SKAP2: variants seen among roughly 807,000 people sequenced by gnomAD.
SKAP2 encodes the protein src kinase associated phosphoprotein 2.
SKAP2 carries 28 observed loss-of-function variants against 54.9 expected under a neutral mutation model. The observed-to-expected ratio is 0.51, with a 90% CI of 0.38 to 0.70. SKAP2 has a LOEUF of 0.70. SKAP2 is among the 30% of genes least tolerant of loss of function. The pLI is 0.00. For missense variants in SKAP2, 356 were observed against 424.1 expected (o/e 0.84, Z 1.41); for synonymous variants, 137 against 134.3 (o/e 1.02, Z -0.14).
intron 1 of SKAP2, chr7:26,857,814 G>T: frequency 1.2e-6 from 1 of 833,712 alleles, no homozygotes; most frequent in Non-Finnish European, 1.4e-6. Flanking sequence ...TGTTCCTCTG[G>T]CTGGTTGGAG....
Position 26,738,784 on chromosome 7 carries a change from A to T in SKAP2, c.469+11T>A, listed in dbSNP as rs778945887. Reference sequence around the variant, plus strand: ...GCAATAGTAGTTGATATAATTGAACACCAACATTACCTTTATCACTTCCAT... The same window carrying T: ...GCAATAGTAGTTGATATAATTGAACTCCAACATTACCTTTATCACTTCCAT... On this transcript the variant is annotated intron_variant, in intron 6 of 12. Transcript: ENST00000345317. 6.6e-7 allele frequency: 1 copy of T among 1,512,082 alleles called. No homozygotes were observed. The highest frequency in any genetic ancestry group is 9.2e-7 in the Non-Finnish European group (1 of 1,089,000). 93.7% of individuals were successfully genotyped at this position (1,512,082 alleles called of 1,614,324 possible). A position where few individuals can be genotyped will look rare whatever the true frequency, so the allele number is the denominator to read the frequency against.
chr7:26,787,545 T>C lies in SKAP2; in HGVS notation c.308-47581A>G, dbSNP rs548287470. The stretch of plus-strand genomic sequence containing the variant: ...CACCATGTTAGTGGCCAGGCTGGTA[T>C]TGAACTCCTGACCTCAAGTGATCCA... On this transcript the variant is annotated intron_variant, in intron 4 of 12. Transcript: ENST00000345317. Among the ~76,000 whole-genome samples the C allele has an allele frequency of 3.9e-5, 6 of 152,228 alleles. No homozygotes were observed. The East Asian group carries it at 1.2e-3, about 29-fold the overall frequency.
At position 26,837,500 on chromosome 7, in the gene SKAP2, G is replaced by C. The variant is rs151079779; in HGVS notation, c.307+6530C>G. Among the ~76,000 whole-genome samples, 410 of 152,164 alleles carry C rather than the reference G, an allele frequency of 2.7e-3. 1 individual carries two copies. Among genetic ancestry groups the C allele is most frequent in the Middle Eastern group, 0.01 (3 of 294 alleles). On this transcript the variant is annotated intron_variant, in intron 4 of 12. Transcript: ENST00000345317. ...ACACACGGTAAAAGAACAAGAGACA[G>C]AGAGTGGGGTTGGGAGGTGCCACAT...
At chr7:26,821,996 T>A (rs908767134) in intron 4 of SKAP2, among the ~76,000 whole-genome samples, 2 of 152,172 alleles carry the variant, frequency 1.3e-5, no homozygotes, top group African/African-American at 4.8e-5. Flanking sequence ...ATTTGTCAGA[T>A]AATTAATAAT....
chr7:26,723,759 T>G (rs1317560150), intron 9 of SKAP2, among the ~76,000 whole-genome samples: 1 of 152,052 alleles, frequency 6.6e-6, no homozygotes, highest in Non-Finnish European at 1.5e-5. Flanking sequence ...ATACAGAACT[T>G]AACAGTTATT....
chr7:26,668,624 G>A lies in SKAP2; in HGVS notation c.*1042C>T, dbSNP rs1361722185. 6.6e-6 allele frequency: 1 copy of A among 150,776 alleles called. No homozygotes were observed. Among genetic ancestry groups the A allele is most frequent in the Non-Finnish European group, 1.5e-5 (1 of 67,808 alleles). The allele number at this position is 150,776 out of a possible 1,614,324, so 9.3% of individuals were successfully genotyped here. On this transcript the variant is annotated 3_prime_UTR_variant, in exon 13 of 13. Coordinates refer to ENST00000345317, the MANE Select transcript of SKAP2 (RefSeq NM_003930.5). Reference sequence around the variant, plus strand: ...AATAAGGCAAGATAAGAGAGTGCTTGGTTATGCCTTTTTACTTTGAGAATA... The same window carrying A: ...AATAAGGCAAGATAAGAGAGTGCTTAGTTATGCCTTTTTACTTTGAGAATA...
rs186280863 is a variant in SKAP2, at chr7:26,802,296, C to T, written c.307+41734G>A. On this transcript the variant is annotated intron_variant, in intron 4 of 12. Transcript: ENST00000345317. ...TTTTTGGTTTTTTTTTTTTTTGAGACGGAGTTTCACTCTTGCCCAGGCTGG... is the reference window on the plus strand; with the variant it reads ...TTTTTGGTTTTTTTTTTTTTTGAGATGGAGTTTCACTCTTGCCCAGGCTGG... Among the ~76,000 whole-genome samples the T allele has an allele frequency of 1.7e-3, 199 of 119,270 alleles. 2 individuals are homozygous for T. Among genetic ancestry groups the T allele is most frequent in the African/African-American group, 6.2e-3 (193 of 31,350 alleles). The allele number at this position is 119,270 out of a possible 152,430, so 78.2% of individuals were successfully genotyped here.
At chr7:26,693,103 G>A (rs957145140) in intron 9 of SKAP2, among the ~76,000 whole-genome samples, 4 of 152,062 alleles carry the variant, frequency 2.6e-5, no homozygotes, top group South Asian at 4.2e-4. Context: ...AGGCCCAGGC[G>A]GGTGGATCAC....
intron 9 of SKAP2, among the ~76,000 whole-genome samples, chr7:26,707,610 C>T (rs1045005578): frequency 6.6e-6 from 1 of 152,152 alleles, no homozygotes; most frequent in African/African-American, 2.4e-5. Flanking sequence ...TGTCCTTCCC[C>T]ACTTGCTCAA....
chr7:26,846,046 A>C (rs1169948605), intron 3 of SKAP2, among the ~76,000 whole-genome samples: 3 of 152,204 alleles, frequency 2.0e-5, no homozygotes, highest in Admixed American at 1.3e-4. Context: ...AGTTCATGGA[A>C]TATGTACCAG....
At chr7:26,727,573 T>G (rs1787735316) in intron 6 of SKAP2, among the ~76,000 whole-genome samples, 1 of 152,046 alleles carries the variant, frequency 6.6e-6, no homozygotes, top group South Asian at 2.1e-4. Flanking sequence ...AAAAACTATG[T>G]GGATAAAGAA....
At chr7:26,719,357 A>G (rs1226693878) in intron 9 of SKAP2, among the ~76,000 whole-genome samples, 1 of 152,108 alleles carries the variant, frequency 6.6e-6, no homozygotes, top group Non-Finnish European at 1.5e-5. Context: ...GATCATCTCA[A>G]TCCTACTAGC....
the SKAP2 span, among the ~76,000 whole-genome samples, chr7:26,657,059 A>G: frequency 6.6e-6 from 1 of 152,196 alleles, no homozygotes; most frequent in East Asian, 1.9e-4. Flanking sequence ...CTTGGATCCA[A>G]ACGGTCTGAA....
At chr7:26,749,251 C>T (rs1477288068) in intron 4 of SKAP2, among the ~76,000 whole-genome samples, 1 of 152,046 alleles carries the variant, frequency 6.6e-6, no homozygotes, top group Non-Finnish European at 1.5e-5. Flanking sequence ...CAAGATTATA[C>T]ATAATAAAGA....
chr7:26,691,250 T>A (rs212858), intron 9 of SKAP2, among the ~76,000 whole-genome samples: 89,747 of 152,010 alleles, frequency 0.59, 26,873 homozygotes, highest in East Asian at 0.88. Context: ...TAAGATAAAA[T>A]TAAATGAGAA....
intron 3 of SKAP2, among the ~76,000 whole-genome samples, chr7:26,850,827 G>A (rs4722647): frequency 4.0e-4 from 61 of 151,936 alleles, no homozygotes; most frequent in East Asian, 3.1e-3. Flanking sequence ...ATTCTAAAGC[G>A]GCAATTTGTC....
At chr7:26,750,767 T>C (rs1441288774) in intron 4 of SKAP2, among the ~76,000 whole-genome samples, 1 of 152,162 alleles carries the variant, frequency 6.6e-6, no homozygotes, top group Non-Finnish European at 1.5e-5. Context: ...ATGATGTTTA[T>C]GGAAGGAAAA....
chr7:26,851,435 G>C (rs1332186352), intron 3 of SKAP2, among the ~76,000 whole-genome samples: 3 of 151,888 alleles, frequency 2.0e-5, no homozygotes, highest in Non-Finnish European at 4.4e-5. Context: ...CAGAGTGAGA[G>C]ACCCTGTCTT....
At chr7:26,852,859 G>A (rs1396259898) in intron 3 of SKAP2, among the ~76,000 whole-genome samples, 2 of 152,072 alleles carry the variant, frequency 1.3e-5, no homozygotes, top group South Asian at 2.1e-4. Flanking sequence ...AAGAGAGGCA[G>A]AATCTGATAT....
Sources: allele counts gnomAD v4.1 joint callset (sites outside exome capture counted in the v4.1 genomes callset), GRCh38; gene constraint gnomAD v4.1.1; transcripts MANE v1.5; gene names NCBI Gene and HGNC (gene_info 2026-07-23, HGNC 2026-07-21).